PHACTR3: variants seen among roughly 807,000 people sequenced by gnomAD.
PHACTR3 encodes phosphatase and actin regulator 3.
Under a neutral mutation model 66.8 loss-of-function variants are expected in PHACTR3, and 16 were observed. The observed-to-expected ratio is 0.24, with a 90% CI of 0.16 to 0.36. The LOEUF (loss-of-function observed/expected upper bound fraction) is 0.36, where lower values mean the gene tolerates loss of function less well. Ranked by LOEUF, PHACTR3 falls within the 10% of genes least tolerant of loss-of-function variation. The probability of loss-of-function intolerance (pLI) is 1.00; values close to 1 mark genes in which losing one functional copy is unlikely to be tolerated. For missense variants in PHACTR3, 647 were observed against 719.9 expected (o/e 0.90, Z 1.16); for synonymous variants, 323 against 292.1 (o/e 1.11, Z -1.08).
At chr20:59,634,226 G>C (rs1045275620) in intron 1 of PHACTR3, among the ~76,000 whole-genome samples, 2 of 152,190 alleles carry the variant, frequency 1.3e-5, no homozygotes, top group Admixed American at 6.5e-5. Context: ...CATGAGGGAC[G>C]AAGTGTTGTG....
At chr20:59,786,101 T>G (rs1045976356) in intron 7 of PHACTR3, among the ~76,000 whole-genome samples, 4 of 152,246 alleles carry the variant, frequency 2.6e-5, no homozygotes, top group African/African-American at 9.6e-5. Context: ...GCCAGCTCCC[T>G]CCTCAACTGA....
chr20:59,774,930 CA>C (rs750215859), intron 7 of PHACTR3, among the ~76,000 whole-genome samples: 20 of 151,670 alleles, frequency 1.3e-4, no homozygotes, highest in Admixed American at 3.9e-4. Context: ...GAGATGGAAG[CA>C]GGGGGAGAGG....
intron 4 of PHACTR3, among the ~76,000 whole-genome samples, chr20:59,756,047 T>C (rs2039781468): frequency 6.6e-6 from 1 of 151,852 alleles, no homozygotes; most frequent in Non-Finnish European, 1.5e-5. Flanking sequence ...TCAAAGGCAG[T>C]AGGGGCTTTG....
At chr20:59,838,237 T>C (rs2058998545) in intron 9 of PHACTR3, among the ~76,000 whole-genome samples, 1 of 152,244 alleles carries the variant, frequency 6.6e-6, no homozygotes, top group South Asian at 2.1e-4. Flanking sequence ...TTTTGTTCTG[T>C]GGAGATGAGA....
At chr20:59,673,227 T>G (rs142004824) in intron 1 of PHACTR3, among the ~76,000 whole-genome samples, 2 of 152,322 alleles carry the variant, frequency 1.3e-5, no homozygotes, top group East Asian at 3.9e-4. Flanking sequence ...GGTTCAGCCC[T>G]CTCTTCCTGG....
chr20:59,751,300 A>G (rs1179555309), intron 3 of PHACTR3, among the ~76,000 whole-genome samples: 1 of 152,114 alleles, frequency 6.6e-6, no homozygotes, highest in Non-Finnish European at 1.5e-5. Context: ...CAGGCTCATG[A>G]GCCTCCCTGC....
intron 2 of PHACTR3, among the ~76,000 whole-genome samples, chr20:59,747,410 T>G: frequency 6.6e-6 from 1 of 152,160 alleles, no homozygotes; most frequent in Non-Finnish European, 1.5e-5. Context: ...GGCACTTTCC[T>G]TGGTTGGTAA....
At chr20:59,782,515 G>A (rs1015642209) in intron 7 of PHACTR3, among the ~76,000 whole-genome samples, 3 of 152,182 alleles carry the variant, frequency 2.0e-5, no homozygotes, top group African/African-American at 7.2e-5. Flanking sequence ...GCCTCTCAAA[G>A]TGCTGGGATT....
At chr20:59,703,454 C>G (rs1027765705) in intron 1 of PHACTR3, among the ~76,000 whole-genome samples, 1 of 152,080 alleles carries the variant, frequency 6.6e-6, no homozygotes, top group African/African-American at 2.4e-5. Flanking sequence ...ACAACCAGCC[C>G]AGGGGAAACC....
intron 1 of PHACTR3, among the ~76,000 whole-genome samples, chr20:59,670,610 G>A (rs561583824): frequency 1.3e-4 from 18 of 137,148 alleles, no homozygotes; most frequent in African/African-American, 1.8e-4. Context: ...GGGGGTGGGG[G>A]GGGGGGGCAG....
At chr20:59,733,637 G>A (rs1339062202) in intron 1 of PHACTR3, among the ~76,000 whole-genome samples, 1 of 152,188 alleles carries the variant, frequency 6.6e-6, no homozygotes, top group African/African-American at 2.4e-5. Flanking sequence ...GTGGGGTTAA[G>A]ATCAGGGCTT....
intron 1 of PHACTR3, among the ~76,000 whole-genome samples, chr20:59,580,774 G>A (rs1568913649): frequency 1.3e-5 from 2 of 152,192 alleles, no homozygotes; most frequent in Non-Finnish European, 2.9e-5. Context: ...CCCAGATTGG[G>A]TCTGGAGTTG....
In PHACTR3 at chr20:59,639,077, ATGGATGGATGGATG is replaced by A. The variant is rs1214036730; in HGVS notation, c.118+33946_118+33959del. Among the ~76,000 whole-genome samples, 668 of 148,964 alleles carry A rather than the reference ATGGATGGATGGATG, an allele frequency of 4.5e-3. 8 individuals are homozygous for A. The highest frequency in any genetic ancestry group is 0.015 in the African/African-American group (620 of 40,226). ...GATGGATAGATGGATGGATGGATGGATGGATGGATGGATGGATGGATGGGTAGACGGATGTATGG... is the reference window on the plus strand; with the variant it reads ...GATGGATAGATGGATGGATGGATGGAGATGGATGGGTAGACGGATGTATGG... On this transcript the variant is annotated intron_variant, in intron 1 of 12. Coordinates refer to ENST00000371015, the MANE Select transcript of PHACTR3 (RefSeq NM_080672.5).
chr20:59,671,925 G>A (rs1176403395), intron 1 of PHACTR3, among the ~76,000 whole-genome samples: 1 of 152,260 alleles, frequency 6.6e-6, no homozygotes, highest in Non-Finnish European at 1.5e-5. Flanking sequence ...ATCTGCATCT[G>A]GTCCTTGGGA....
At chr20:59,669,877 G>T (rs1333823743) in intron 1 of PHACTR3, among the ~76,000 whole-genome samples, 4 of 152,214 alleles carry the variant, frequency 2.6e-5, no homozygotes, top group Non-Finnish European at 2.9e-5. Flanking sequence ...TTCATCAATT[G>T]AGGGACGTTT....
Position 59,605,005 on chromosome 20 carries a change from G to A in PHACTR3, c.-10G>A. On this transcript the variant is annotated 5_prime_UTR_variant, in exon 1 of 13. Coordinates refer to ENST00000371015, the MANE Select transcript of PHACTR3 (RefSeq NM_080672.5). ...GCTCGCTCTAACTTGCCCCCGCGCCGGCCGGGCCCATGGCCGCGTCGGAGG... is the reference window on the plus strand; with the variant it reads ...GCTCGCTCTAACTTGCCCCCGCGCCAGCCGGGCCCATGGCCGCGTCGGAGG... The A allele has an allele frequency of 7.6e-7, 1 of 1,310,932 alleles. No individual in the cohort carries two copies. Among genetic ancestry groups the A allele is most frequent in the Non-Finnish European group, 9.8e-7 (1 of 1,023,908 alleles). 81.2% of individuals were successfully genotyped at this position (1,310,932 alleles called of 1,614,324 possible).
At chr20:59,581,542 A>T (rs2032857337) in intron 1 of PHACTR3, among the ~76,000 whole-genome samples, 1 of 152,158 alleles carries the variant, frequency 6.6e-6, no homozygotes, top group Non-Finnish European at 1.5e-5. Flanking sequence ...GACTAAGTTG[A>T]TCGCTCCGTT....
At chr20:59,754,114 T>C (rs1321443719) in intron 3 of PHACTR3, among the ~76,000 whole-genome samples, 1 of 152,214 alleles carries the variant, frequency 6.6e-6, no homozygotes, top group Non-Finnish European at 1.5e-5. Context: ...GGCTGTAACG[T>C]GCATCTCAGT....
At chr20:59,781,560 G>A (rs565124434) in intron 7 of PHACTR3, among the ~76,000 whole-genome samples, 10 of 152,304 alleles carry the variant, frequency 6.6e-5, no homozygotes, top group South Asian at 6.2e-4. Flanking sequence ...GGCACATGGC[G>A]CTCACGTGGT....
Sources: allele counts gnomAD v4.1 joint callset (sites outside exome capture counted in the v4.1 genomes callset), GRCh38; gene constraint gnomAD v4.1.1; transcripts MANE v1.5; gene names NCBI Gene and HGNC (gene_info 2026-07-23, HGNC 2026-07-21).